Variants in SLC25A24 observed in about 807,000 individuals in gnomAD.
SLC25A24 encodes solute carrier family 25 member 24.
SLC25A24 carries 49 observed loss-of-function variants against 60.7 expected under a neutral mutation model. That is an observed-to-expected ratio of 0.81 (90% CI 0.64 to 1.02). The LOEUF is 1.02. Ranked by LOEUF, SLC25A24 falls within the 50% of genes least tolerant of loss-of-function variation. The pLI, the probability that SLC25A24 is intolerant of heterozygous loss-of-function variation, is 0.00. For synonymous variants in SLC25A24, 202 were observed against 200.6 expected, an observed-to-expected ratio of 1.01 and a Z score of -0.06; for missense variants, 564 against 586.3, an observed-to-expected ratio of 0.96 and a Z score of 0.39.
At chr1:108,189,876 T>A (rs1404668863) in intron 1 of SLC25A24, among the ~76,000 whole-genome samples, 275 of 145,324 alleles carry the variant, frequency 1.9e-3, no homozygotes, top group African/African-American at 6.5e-3. Context: ...AAAAAATATA[T>A]ATATATATGT....
At chr1:108,188,426 T>C (rs1648224070) in intron 1 of SLC25A24, among the ~76,000 whole-genome samples, 1 of 152,214 alleles carries the variant, frequency 6.6e-6, no homozygotes, top group African/African-American at 2.4e-5. Flanking sequence ...TATGTTTAGA[T>C]ACACAAATAC....
intron 9 of SLC25A24, among the ~76,000 whole-genome samples, chr1:108,137,508 C>G (rs997854463): frequency 1.3e-5 from 2 of 152,146 alleles, no homozygotes; most frequent in African/African-American, 4.8e-5. Flanking sequence ...AGAGAGTGAA[C>G]AAAGTGGGGC....
At chr1:108,188,881 G>A (rs764164561) in intron 1 of SLC25A24, among the ~76,000 whole-genome samples, 47 of 152,174 alleles carry the variant, frequency 3.1e-4, no homozygotes, top group Non-Finnish European at 5.3e-4. Flanking sequence ...AATCCGGGGG[G>A]AGTTAGTATA....
chr1:108,199,646 A>G lies in SLC25A24; in HGVS notation c.183+310T>C, dbSNP rs1648598788. 5 of 500,088 alleles carry G rather than the reference A, an allele frequency of 1.0e-5. 1 individual carries two copies. The Admixed American group carries it at 1.9e-4, about 19-fold the overall frequency. 31.0% of individuals were successfully genotyped at this position (500,088 alleles called of 1,614,324 possible). ...TCTGCAAGGTATTAAAACAGAAAAC[A>G]AAGAACCTGGGATGGATTCAGGACA... On this transcript the variant is annotated intron_variant, in intron 1 of 9. Coordinates refer to ENST00000565488, the MANE Select transcript of SLC25A24 (RefSeq NM_013386.5).
intron 1 of SLC25A24, among the ~76,000 whole-genome samples, chr1:108,187,907 G>T (rs1215014852): frequency 2.3e-5 from 1 of 43,472 alleles, no homozygotes; most frequent in Non-Finnish European, 5.0e-5. Flanking sequence ...CATAATACAC[G>T]AAATGGATAA....
rs150103929 is a variant in SLC25A24 at position 108,198,194 on chromosome 1, T to C, written c.183+1762A>G. Among the ~76,000 whole-genome samples, 104 of 152,274 alleles carry C rather than the reference T, an allele frequency of 6.8e-4. 2 individuals carry two copies. The East Asian group carries it at 0.015, about 22-fold the overall frequency. On this transcript the variant is annotated intron_variant, in intron 1 of 9. Coordinates refer to ENST00000565488, the MANE Select transcript of SLC25A24 (RefSeq NM_013386.5). ...TAAATAAATGTCTTTTCTTTATAAA[T>C]TACCCTGTCTCAGATATTCCACTAT...
At chr1:108,173,513 A>G (rs1243559103) in intron 3 of SLC25A24, among the ~76,000 whole-genome samples, 1 of 152,198 alleles carries the variant, frequency 6.6e-6, no homozygotes, top group African/African-American at 2.4e-5. Flanking sequence ...ACCCATTCTC[A>G]GGTGGTTCTT....
chr1:108,175,718 AAGAC>A (rs918308851), intron 3 of SLC25A24, among the ~76,000 whole-genome samples: 3 of 152,150 alleles, frequency 2.0e-5, no homozygotes, highest in East Asian at 1.9e-4. Flanking sequence ...AAAAAATGAA[AAGAC>A]AGACAGTAAT....
At position 108,135,755 on chromosome 1, in the gene SLC25A24, C is replaced by A. The variant is rs1394978914; in HGVS notation, c.*898G>T. 6.6e-6 allele frequency: 1 copy of A among 152,574 alleles called. No homozygotes were observed. The highest frequency in any genetic ancestry group is 1.5e-5 in the Non-Finnish European group (1 of 68,024). The allele number at this position is 152,574 out of a possible 1,614,324, so 9.5% of individuals were successfully genotyped here. A position where few individuals can be genotyped will look rare whatever the true frequency, so the allele number is the denominator to read the frequency against. On this transcript the variant is annotated 3_prime_UTR_variant, in exon 10 of 10. Coordinates refer to ENST00000565488, the MANE Select transcript of SLC25A24 (RefSeq NM_013386.5). ...AGCACATCATTTGCTCATGATCAATCCACTTCATGCAATTAAAAAAGAAAT... is the reference window on the plus strand; with the variant it reads ...AGCACATCATTTGCTCATGATCAATACACTTCATGCAATTAAAAAAGAAAT...
chr1:108,148,626 A>G lies in SLC25A24; in HGVS notation c.823-240T>C, dbSNP rs138426286. Among the ~76,000 whole-genome samples, 151 of 152,264 alleles carry G rather than the reference A, an allele frequency of 9.9e-4. 1 individual carries two copies. Among genetic ancestry groups the G allele is most frequent in the African/African-American group, 3.5e-3 (147 of 41,562 alleles). On this transcript the variant is annotated intron_variant, in intron 6 of 9. Coordinates refer to ENST00000565488, the MANE Select transcript of SLC25A24 (RefSeq NM_013386.5). ...CTCCCCCTTCACATGTGCACCAAGA[A>G]AAGACCATGTGAGCACATACCAGCT...
rs1648611072 is a variant in SLC25A24 at position 108,200,019 on chromosome 1, G to A, written c.120C>T (p.Asp40=). The change falls in exon 1 of 10, where the codon GAC becomes GAT. Residue 40 remains aspartate, a synonymous_variant. Coordinates refer to ENST00000565488, the MANE Select transcript of SLC25A24 (RefSeq NM_013386.5). The stretch of plus-strand genomic sequence containing the variant: ...TGAGCCCCTCCTGCAGCTCGCCGAT[G>A]TCCACCACTCCGTCCCCATTGCGGT... ...ALDRNGDGVV[D]IGELQEGLRN... The A allele has an allele frequency of 6.2e-7, 1 of 1,611,170 alleles. No individual in the cohort carries two copies. The highest frequency in any genetic ancestry group is 1.3e-5 in the African/African-American group (1 of 75,026).
intron 5 of SLC25A24, among the ~76,000 whole-genome samples, chr1:108,155,705 T>C (rs1393250432): frequency 6.6e-6 from 1 of 151,934 alleles, no homozygotes; most frequent in Non-Finnish European, 1.5e-5. Flanking sequence ...AAAATAAAAA[T>C]TGCACCCTCT....
intron 3 of SLC25A24, among the ~76,000 whole-genome samples, chr1:108,179,035 T>C (rs1647813477): frequency 6.7e-6 from 1 of 148,974 alleles, no homozygotes; most frequent in African/African-American, 2.5e-5. Context: ...TGGCAGTAAA[T>C]GCCTACATAA....
At chr1:108,198,211 T>G (rs920411549) in intron 1 of SLC25A24, among the ~76,000 whole-genome samples, 4 of 152,186 alleles carry the variant, frequency 2.6e-5, no homozygotes, top group African/African-American at 9.7e-5. Flanking sequence ...GTCTCAGATA[T>G]TCCACTATAG....
intron 8 of SLC25A24, among the ~76,000 whole-genome samples, chr1:108,142,385 T>A (rs140909711): frequency 6.6e-6 from 1 of 152,282 alleles, no homozygotes; most frequent in African/African-American, 2.4e-5. Context: ...CTTCAACAGA[T>A]GAAGGACTAA....
rs1679933559 is a variant in SLC25A24, at chr1:108,157,479, G to T, written c.652C>A (p.Leu218Met). 1 of 1,613,876 alleles carries T rather than the reference G, an allele frequency of 6.2e-7. No homozygotes were observed. Among genetic ancestry groups the T allele is most frequent in the Non-Finnish European group, 8.5e-7 (1 of 1,179,850 alleles). The change falls in exon 5 of 10, where the codon CTG becomes ATG. Residue 218 changes from leucine (L) to methionine (M), a missense_variant. Transcript: ENST00000565488. ...AAGCTCACCTGCATCATGATTTTCA[G>T]ACGGTCCAAAGGGGCAGTGCTTGTT... is the stretch of plus-strand genomic sequence containing the variant. ...SRTSTAPLDR[L>M]KIMMQVHGSK...
At chr1:108,157,812 C>G (rs893622359) in intron 4 of SLC25A24, among the ~76,000 whole-genome samples, 192 bp from the exon 5 acceptor site, 1 of 152,132 alleles carries the variant, frequency 6.6e-6, no homozygotes, top group Non-Finnish European at 1.5e-5. Context: ...TATCAGTTCA[C>G]AAGAAATGAA....
chr1:108,146,885 T>C (rs1212128542), intron 7 of SLC25A24, among the ~76,000 whole-genome samples: 2 of 152,192 alleles, frequency 1.3e-5, no homozygotes, highest in African/African-American at 4.8e-5. Context: ...TCTATTTTGG[T>C]TGTGTCTCTG....
At chr1:108,167,447 C>G (rs1386363994) in intron 3 of SLC25A24, among the ~76,000 whole-genome samples, 12 of 152,190 alleles carry the variant, frequency 7.9e-5, no homozygotes, top group Non-Finnish European at 1.8e-4. Context: ...AGCGAGACTC[C>G]GTGGGTGTAG....
Sources: gnomAD v4.1 joint callset for allele counts (sites outside exome capture counted in the v4.1 genomes callset) on GRCh38, gnomAD v4.1.1 for gene constraint, MANE v1.5 for transcripts, NCBI Gene and HGNC (gene_info 2026-07-23, HGNC 2026-07-21) for gene names.